ARHGAP24: variants seen among roughly 807,000 people sequenced by gnomAD.
ARHGAP24 encodes the protein rho GTPase-activating protein 24.
A neutral mutation model predicts 76.4 loss-of-function variants in ARHGAP24; 50 were observed. The observed-to-expected ratio is 0.65, with a 90% CI of 0.52 to 0.83. The LOEUF (loss-of-function observed/expected upper bound fraction) is 0.83, where lower values mean the gene tolerates loss of function less well. Among genes scored for constraint, ARHGAP24 ranks in the 40% least tolerant of loss-of-function variants. The pLI, the probability that ARHGAP24 is intolerant of heterozygous loss-of-function variation, is 0.00. For missense variants in ARHGAP24, 930 were observed against 914.2 expected, an observed-to-expected ratio of 1.02 and a Z score of -0.22; for synonymous variants, 345 against 323.3, an observed-to-expected ratio of 1.07 and a Z score of -0.72.
In ARHGAP24 at chr4:85,570,616, G is replaced by A; in HGVS notation, c.75G>A (p.Trp25Ter). 1 of 1,614,110 alleles carries A rather than the reference G, an allele frequency of 6.2e-7. No individual in the cohort carries two copies. Among genetic ancestry groups the A allele is most frequent in the Non-Finnish European group, 8.5e-7 (1 of 1,180,006 alleles). The change falls in exon 2 of 10, where the codon TGG becomes TGA. Residue 25 changes from tryptophan to a stop codon, truncating the protein, a stop_gained. Transcript: ENST00000395184. LOFTEE classifies it high-confidence loss of function. The stretch of plus-strand genomic sequence containing the variant: ...GGCAGAATGCCATCAAGTGTGGGTG[G>A]CTGAGGAAGCAAGGAGGCTTTGTCA... The part of the protein sequence containing the change: ...QGRQNAIKCG[W>*]LRKQGGFVKT...
intron 2 of ARHGAP24, among the ~76,000 whole-genome samples, chr4:85,659,537 A>G (rs1277882899): frequency 2.0e-5 from 3 of 152,258 alleles, no homozygotes; most frequent in Admixed American, 6.5e-5. Context: ...ATAAAAAAGT[A>G]TGAATATAGC....
chr4:85,814,988 T>C (rs1399625017), intron 3 of ARHGAP24, among the ~76,000 whole-genome samples: 1 of 152,170 alleles, frequency 6.6e-6, no homozygotes, highest in East Asian at 1.9e-4. Flanking sequence ...ACTTGCAAGC[T>C]CAACACTACA....
chr4:85,495,411 C>T lies in ARHGAP24; in HGVS notation c.-21+19852C>T, dbSNP rs924044397. ...TGTTGCCCAGGCTGGAGTGTAGTGGCGCGATCTCGGCTCACTGCAAGCCTT... is the reference window on the plus strand; with the variant it reads ...TGTTGCCCAGGCTGGAGTGTAGTGGTGCGATCTCGGCTCACTGCAAGCCTT... On this transcript the variant is annotated intron_variant, in intron 1 of 9. Coordinates refer to ENST00000395184, the MANE Select transcript of ARHGAP24 (RefSeq NM_001025616.3). Among the ~76,000 whole-genome samples the T allele has an allele frequency of 6.8e-4, 87 of 127,230 alleles. 1 individual carries two copies. Among genetic ancestry groups the T allele is most frequent in the African/African-American group, 2.6e-3 (86 of 33,294 alleles). The allele number at this position is 127,230 out of a possible 152,430, so 83.5% of individuals were successfully genotyped here. A position where few individuals can be genotyped will look rare whatever the true frequency, so the allele number is the denominator to read the frequency against.
intron 1 of ARHGAP24, among the ~76,000 whole-genome samples, chr4:85,489,630 C>A (rs763826984): frequency 6.6e-6 from 1 of 152,142 alleles, no homozygotes; most frequent in Non-Finnish European, 1.5e-5. Flanking sequence ...GCTCCACAAA[C>A]CTTTGCAGGA....
intron 1 of ARHGAP24, among the ~76,000 whole-genome samples, chr4:85,538,108 G>T (rs182101407): frequency 5.0e-4 from 76 of 152,170 alleles, no homozygotes; most frequent in African/African-American, 1.7e-3. Context: ...TTAGGGAGGG[G>T]TAACCAAATA....
chr4:85,482,496 A>T (rs1194746691), intron 1 of ARHGAP24, among the ~76,000 whole-genome samples: 1 of 152,118 alleles, frequency 6.6e-6, no homozygotes, highest in Non-Finnish European at 1.5e-5. Context: ...GAGCTCTGAG[A>T]ACCCCTGCAC....
At chr4:85,867,205 A>C (rs1732245598) in intron 3 of ARHGAP24, among the ~76,000 whole-genome samples, 1 of 152,196 alleles carries the variant, frequency 6.6e-6, no homozygotes, top group East Asian at 1.9e-4. Flanking sequence ...TATGTAAAGC[A>C]CCTGGCACTT....
intron 2 of ARHGAP24, among the ~76,000 whole-genome samples, chr4:85,690,822 G>C (rs1401818517): frequency 7.1e-6 from 1 of 140,570 alleles, no homozygotes; most frequent in Non-Finnish European, 1.5e-5. Flanking sequence ...ATGGACTTTT[G>C]CATCTCAATT....
At chr4:85,553,827 T>C (rs927535891) in intron 1 of ARHGAP24, among the ~76,000 whole-genome samples, 9 of 152,200 alleles carry the variant, frequency 5.9e-5, no homozygotes, top group Admixed American at 5.9e-4. Context: ...AGCATTAATA[T>C]TGGTATGTGG....
chr4:85,621,880 G>C (rs2110003994), intron 2 of ARHGAP24, among the ~76,000 whole-genome samples: 1 of 151,920 alleles, frequency 6.6e-6, no homozygotes, highest in East Asian at 1.9e-4. Context: ...AATTCTTTAA[G>C]GATTCTTATA....
At chr4:85,796,560 A>G (rs1185222478) in intron 3 of ARHGAP24, among the ~76,000 whole-genome samples, 1 of 152,194 alleles carries the variant, frequency 6.6e-6, no homozygotes, top group Non-Finnish European at 1.5e-5. Flanking sequence ...TCTGGGTCCA[A>G]TCAGGAGAGA....
At chr4:85,988,706 A>G (rs1423473752) in intron 8 of ARHGAP24, among the ~76,000 whole-genome samples, 5 of 151,686 alleles carry the variant, frequency 3.3e-5, no homozygotes, top group African/African-American at 1.2e-4. Context: ...ATTAAACTCA[A>G]CCATATCAGT....
chr4:85,745,947 G>A (rs997586353), intron 3 of ARHGAP24, among the ~76,000 whole-genome samples: 2 of 152,192 alleles, frequency 1.3e-5, no homozygotes, highest in African/African-American at 4.8e-5. Flanking sequence ...TAGCCTGACA[G>A]TCCAGTGGAC....
In ARHGAP24 at chr4:85,720,237, C is replaced by T. The variant is rs577913618; in HGVS notation, c.181-1648C>T. 9.4e-5 allele frequency among the ~76,000 whole-genome samples: 14 copies of T among 149,698 alleles called. No homozygotes were observed. The East Asian group carries it at 2.6e-3, about 27-fold the overall frequency. On this transcript the variant is annotated intron_variant, in intron 2 of 9. Transcript: ENST00000395184. ...ATGTAACAAACCTGCACGTTGTGCA[C>T]ATGTACCCTAGAACTTAAAGTATAA... is the stretch of plus-strand genomic sequence containing the variant.
intron 4 of ARHGAP24, among the ~76,000 whole-genome samples, chr4:85,931,642 CA>C (rs1268999323): frequency 6.6e-6 from 1 of 152,124 alleles, no homozygotes; most frequent in Non-Finnish European, 1.5e-5. Context: ...CTATCAGGAA[CA>C]GGGGTGAGAA....
intron 1 of ARHGAP24, among the ~76,000 whole-genome samples, chr4:85,493,237 AATAAGCATT>A (rs559986143): frequency 6.0e-4 from 92 of 152,354 alleles, no homozygotes; most frequent in African/African-American, 2.2e-3. Flanking sequence ...TTCTGTAACT[AATAAGCATT>A]ATGTGGAGAG....
chr4:85,699,759 A>C (rs1490772179), intron 2 of ARHGAP24, among the ~76,000 whole-genome samples: 1 of 152,112 alleles, frequency 6.6e-6, no homozygotes, highest in African/African-American at 2.4e-5. Context: ...AAGGTAGTAC[A>C]TAATGTATTC....
At chr4:85,832,669 A>C (rs1050962758) in intron 3 of ARHGAP24, among the ~76,000 whole-genome samples, 9 of 152,212 alleles carry the variant, frequency 5.9e-5, no homozygotes, top group African/African-American at 1.9e-4. Flanking sequence ...ATGAGTCAAT[A>C]AGAAGTAGTA....
At chr4:85,650,609 A>C (rs1465594469) in intron 2 of ARHGAP24, among the ~76,000 whole-genome samples, 1 of 149,610 alleles carries the variant, frequency 6.7e-6, no homozygotes. Context: ...AGCACTTGCT[A>C]TTATTATATT....
Sources: allele counts gnomAD v4.1 joint callset (sites outside exome capture counted in the v4.1 genomes callset), GRCh38; gene constraint gnomAD v4.1.1; transcripts MANE v1.5; gene names NCBI Gene and HGNC (gene_info 2026-07-23, HGNC 2026-07-21).